Variants in GCKR observed in about 807,000 individuals in gnomAD.
GCKR encodes glucokinase regulator.
In GCKR, 73 loss-of-function variants were observed where a neutral mutation model predicts 82.9. The ratio of observed to expected loss-of-function variants is 0.88; its 90% CI spans 0.73 to 1.07. The LOEUF is 1.07. GCKR is among the 50% of genes least tolerant of loss of function. The probability of loss-of-function intolerance (pLI) is 0.00; values close to 1 mark genes in which losing one functional copy is unlikely to be tolerated. For missense variants in GCKR, 784 were observed against 782.1 expected (o/e 1.00, Z -0.03); for synonymous variants, 294 against 291.8 (o/e 1.01, Z -0.08).
chr2:27,504,460 C>T (rs1459940486), intron 9 of GCKR, among the ~76,000 whole-genome samples: 2 of 151,760 alleles, frequency 1.3e-5, no homozygotes, highest in Non-Finnish European at 1.5e-5. Context: ...CTAGTTCAAG[C>T]GATTTTCCTG....
At chr2:27,517,226 A>C (rs912697244) in intron 16 of GCKR, among the ~76,000 whole-genome samples, 5 of 151,914 alleles carry the variant, frequency 3.3e-5, no homozygotes, top group African/African-American at 1.2e-4. Context: ...GTTAGCCAGG[A>C]TGGTCTCAAT....
intron 16 of GCKR, among the ~76,000 whole-genome samples, chr2:27,513,818 T>A (rs1357352040): frequency 6.6e-6 from 1 of 152,220 alleles, no homozygotes; most frequent in Non-Finnish European, 1.5e-5. Context: ...TAGCATCTTT[T>A]TTATATCTTG....
intron 10 of GCKR, 115 bp from the exon 11 acceptor site, chr2:27,506,366 A>G: frequency 1.3e-5 from 10 of 768,600 alleles, no homozygotes. Context: ...CTCTCCAGGG[A>G]CCAGCAGAAT....
At chr2:27,516,432 A>G (rs913167710) in intron 16 of GCKR, among the ~76,000 whole-genome samples, 11 of 151,706 alleles carry the variant, frequency 7.3e-5, no homozygotes, top group African/African-American at 2.4e-4. Context: ...CTGGGATTAC[A>G]GGCACGCGCC....
chr2:27,516,438 G>A (rs1343092011), intron 16 of GCKR, among the ~76,000 whole-genome samples: 2 of 151,558 alleles, frequency 1.3e-5, no homozygotes, highest in African/African-American at 2.4e-5. Context: ...TTACAGGCAC[G>A]CGCCACTACA....
chr2:27,515,114 A>G (rs1292512392), intron 16 of GCKR, among the ~76,000 whole-genome samples: 1 of 152,028 alleles, frequency 6.6e-6, no homozygotes, highest in Non-Finnish European at 1.5e-5. Context: ...AGTAGCTGGG[A>G]TTACAGGTGC....
chr2:27,498,144 AG>A, intron 3 of GCKR, 110 bp from the exon 4 acceptor site: 1 of 823,866 alleles, frequency 1.2e-6, no homozygotes, highest in Non-Finnish European at 2.1e-6. Context: ...TTGTGATGAG[AG>A]GAGGGATAAG....
chr2:27,505,888 G>T (rs188781008), intron 10 of GCKR, 52 bp downstream of exon 10: 217 of 998,456 alleles, frequency 2.2e-4, no homozygotes, highest in Non-Finnish European at 3.1e-4. Context: ...GTGTGAGATG[G>T]TGTGGATGGA....
rs775362945 is a variant in GCKR, at chr2:27,503,665, G to C, written c.750+46G>C. 7.2e-6 allele frequency: 7 copies of C among 965,926 alleles called. No homozygotes were observed. The East Asian group carries it at 1.7e-4, about 23-fold the overall frequency. The allele number at this position is 965,926 out of a possible 1,614,324, so 59.8% of individuals were successfully genotyped here. On this transcript the variant is annotated intron_variant, in intron 9 of 18. Transcript: ENST00000264717. ...ATGTTCTCCACCCCTCCAACACCTG[G>C]GAACTGCTTGCCACTTCCTTGGGGC...
At chr2:27,500,273 A>G (rs1669544280) in intron 7 of GCKR, among the ~76,000 whole-genome samples, 1 of 152,058 alleles carries the variant, frequency 6.6e-6, no homozygotes, top group Non-Finnish European at 1.5e-5. Context: ...TATTTTCAGT[A>G]GAGACAGGGT....
At position 27,507,704 on chromosome 2, in the gene GCKR, G is replaced by A. The variant is rs1417954648; in HGVS notation, c.1167G>A (p.Gln389=). The A allele has an allele frequency of 1.2e-6, 2 of 1,606,644 alleles. No homozygotes were observed. The highest frequency in any genetic ancestry group is 2.2e-5 in the East Asian group (1 of 44,852). Residue 389 remains glutamine, a synonymous_variant, in exon 14 of 19, where the codon CAG becomes CAA. Coordinates refer to ENST00000264717, the MANE Select transcript of GCKR (RefSeq NM_001486.4). The part of the protein sequence containing the change: ...TNQGPQFTFS[Q]EDFLTSILPS... ...AGGGTCCCCAGTTCACCTTCTCCCA[G>A]GAGGACTTCCTGACTTCCATCCTTC... is the stretch of plus-strand genomic sequence containing the variant.
intron 9 of GCKR, among the ~76,000 whole-genome samples, chr2:27,504,204 A>G (rs1572862645): frequency 6.6e-6 from 1 of 152,146 alleles, no homozygotes; most frequent in East Asian, 1.9e-4. Flanking sequence ...CATCTGCGAC[A>G]TTCTCCTCCA....
chr2:27,508,371 G>A (rs547068994), intron 16 of GCKR, 120 bp downstream of exon 16: 1 of 739,578 alleles, frequency 1.4e-6, no homozygotes, highest in South Asian at 1.4e-5. Context: ...CCCTCACAAA[G>A]CCAGCTGGGC....
At chr2:27,511,760 G>A (rs1364156037) in intron 16 of GCKR, among the ~76,000 whole-genome samples, 1 of 151,956 alleles carries the variant, frequency 6.6e-6, no homozygotes, top group East Asian at 1.9e-4. Context: ...CTTTTATTTT[G>A]TTTTGTTTTG....
intron 16 of GCKR, chr2:27,509,649 T>C: frequency 4.5e-6 from 1 of 223,644 alleles, no homozygotes; most frequent in Non-Finnish European, 9.8e-6. Flanking sequence ...GCCAAAACAC[T>C]GTATTTTTAA....
At chr2:27,518,976 C>T (rs1199530827) in intron 17 of GCKR, 39 bp downstream of exon 17, 2 of 1,570,152 alleles carry the variant, frequency 1.3e-6, no homozygotes, top group South Asian at 1.1e-5. Flanking sequence ...GGGACCTGGC[C>T]TCAATGCTTA....
intron 11 of GCKR, 57 bp downstream of exon 11, chr2:27,506,636 C>G: frequency 7.9e-7 from 1 of 1,266,242 alleles, no homozygotes; most frequent in Non-Finnish European, 1.2e-6. Flanking sequence ...ATACTGAGAG[C>G]AGGGAGACTC....
rs747141244 is a variant in GCKR at position 27,498,711 on chromosome 2, C to A, written c.355-13C>A. 4 of 1,538,370 alleles carry A rather than the reference C, an allele frequency of 2.6e-6. No individual in the cohort carries two copies. In the East Asian group the frequency reaches 9.0e-5, roughly 35 times the overall value. ...CTGTCATTACCTCTTTACATCCTCT[C>A]CCTGCTTGACAGGTGTCCTTTAATC... On this transcript the variant is annotated splice_polypyrimidine_tract_variant and intron_variant, in intron 4 of 18. Coordinates refer to ENST00000264717, the MANE Select transcript of GCKR (RefSeq NM_001486.4).
At chr2:27,515,840 T>A (rs550498366) in intron 16 of GCKR, among the ~76,000 whole-genome samples, 2 of 149,908 alleles carry the variant, frequency 1.3e-5, no homozygotes, top group Middle Eastern at 3.5e-3. Flanking sequence ...CAGATTTCAC[T>A]GCAACCTCAA....
Sources: allele counts gnomAD v4.1 joint callset (sites outside exome capture counted in the v4.1 genomes callset), GRCh38; gene constraint gnomAD v4.1.1; transcripts MANE v1.5; gene names NCBI Gene and HGNC (gene_info 2026-07-23, HGNC 2026-07-21).